Variants in SCHIP1 observed in about 807,000 individuals in gnomAD.
SCHIP1 encodes schwannomin interacting protein 1, also known as schwannomin-interacting protein 1.
SCHIP1 carries 8 observed loss-of-function variants against 29.7 expected under a neutral mutation model. The observed-to-expected ratio is 0.27, with a 90% CI of 0.16 to 0.49. SCHIP1 has a LOEUF of 0.49. Ranked by LOEUF, SCHIP1 falls within the 20% of genes least tolerant of loss-of-function variation. SCHIP1 has a pLI of 0.99. For synonymous variants in SCHIP1, 76 were observed against 94.9 expected, an observed-to-expected ratio of 0.80 and a Z score of 1.16; for missense variants, 193 against 294.6, an observed-to-expected ratio of 0.66 and a Z score of 2.52.
At chr3:159,483,706 A>T in the SCHIP1 span, among the ~76,000 whole-genome samples, 4 of 152,190 alleles carry the variant, frequency 2.6e-5, no homozygotes, top group Admixed American at 2.6e-4. Flanking sequence ...TAATCTTTAG[A>T]TATTTGTTTT....
At chr3:159,870,773 A>C (rs1196910528) in intron 2 of SCHIP1, among the ~76,000 whole-genome samples, 1 of 151,836 alleles carries the variant, frequency 6.6e-6, no homozygotes, top group Non-Finnish European at 1.5e-5. Flanking sequence ...TTCTTCTGAC[A>C]TTTTTGCTTG....
chr3:159,463,162 C>A, the SCHIP1 span, among the ~76,000 whole-genome samples: 1 of 151,468 alleles, frequency 6.6e-6, no homozygotes, highest in Non-Finnish European at 1.5e-5. Flanking sequence ...CATATATATA[C>A]ACATTGCATT....
the SCHIP1 span, among the ~76,000 whole-genome samples, chr3:159,469,358 T>C: frequency 4.6e-5 from 7 of 151,738 alleles, no homozygotes; most frequent in Admixed American, 4.6e-4. Context: ...AAGCTAAAAC[T>C]AGGGCTTCAT....
chr3:159,522,063 G>A, the SCHIP1 span, among the ~76,000 whole-genome samples: 1 of 152,210 alleles, frequency 6.6e-6, no homozygotes, highest in Non-Finnish European at 1.5e-5. Context: ...GTTCAAAAGT[G>A]TAATTAGACA....
chr3:159,544,274 A>G, the SCHIP1 span, among the ~76,000 whole-genome samples: 11 of 152,074 alleles, frequency 7.2e-5, no homozygotes, highest in Non-Finnish European at 1.5e-4. Context: ...TTTATGTTAA[A>G]TTTCATTGAA....
chr3:159,410,201 C>CA, the SCHIP1 span, among the ~76,000 whole-genome samples: 184 of 152,128 alleles, frequency 1.2e-3, 2 homozygotes, highest in South Asian at 0.03. Context: ...GGAAACTCTC[C>CA]AAGACATTAG....
the SCHIP1 span, among the ~76,000 whole-genome samples, chr3:159,496,873 A>C: frequency 1.3e-5 from 2 of 152,216 alleles, no homozygotes; most frequent in Non-Finnish European, 2.9e-5. Context: ...CAACAATGAT[A>C]GACTGGATTA....
chr3:159,454,960 C>T, the SCHIP1 span, among the ~76,000 whole-genome samples: 1 of 152,226 alleles, frequency 6.6e-6, no homozygotes, highest in Non-Finnish European at 1.5e-5. Flanking sequence ...TTGTGACTCA[C>T]AAAAATGTTT....
chr3:159,634,646 T>C, the SCHIP1 span, among the ~76,000 whole-genome samples: 1 of 152,226 alleles, frequency 6.6e-6, no homozygotes, highest in Non-Finnish European at 1.5e-5. Context: ...AAGCAGCCCC[T>C]GCACTGTGTG....
intron 1 of SCHIP1, among the ~76,000 whole-genome samples, chr3:159,852,013 G>A (rs1712712424): frequency 6.6e-6 from 1 of 152,192 alleles, no homozygotes; most frequent in Admixed American, 6.5e-5. Context: ...GGGCTACAGA[G>A]GGAAGTATTT....
chr3:159,672,861 T>C, the SCHIP1 span, among the ~76,000 whole-genome samples: 6 of 152,316 alleles, frequency 3.9e-5, no homozygotes, highest in Non-Finnish European at 8.8e-5. Flanking sequence ...AAAAGTGCAC[T>C]GTGGAGTCTC....
At chr3:159,274,555 TA>T in the SCHIP1 span, 331 of 792,698 alleles carry the variant, frequency 4.2e-4, no homozygotes, top group Middle Eastern at 1.3e-3. Flanking sequence ...AAACCAGAAA[TA>T]AAAAAAATGG....
chr3:159,643,844 A>G, the SCHIP1 span, among the ~76,000 whole-genome samples: 1 of 151,928 alleles, frequency 6.6e-6, no homozygotes, highest in Non-Finnish European at 1.5e-5. Context: ...ACATATGTTG[A>G]CTTTGATGTT....
intron 1 of SCHIP1, among the ~76,000 whole-genome samples, chr3:159,848,031 G>C (rs1036268611): frequency 5.9e-5 from 9 of 152,188 alleles, no homozygotes; most frequent in Non-Finnish European, 7.3e-5. Flanking sequence ...AAAATCTTTT[G>C]ACAGTGCATA....
the SCHIP1 span, among the ~76,000 whole-genome samples, chr3:159,794,803 C>T: frequency 3.3e-5 from 5 of 152,144 alleles, no homozygotes; most frequent in Admixed American, 3.3e-4. Flanking sequence ...TGGTAGGTCT[C>T]ACCACAAAGA....
the SCHIP1 span, among the ~76,000 whole-genome samples, chr3:159,706,624 A>G: frequency 3.3e-5 from 5 of 152,212 alleles, no homozygotes; most frequent in Non-Finnish European, 4.4e-5. Context: ...AGAGTAGTCT[A>G]AAGCAATGGG....
At chr3:159,557,139 A>G in the SCHIP1 span, among the ~76,000 whole-genome samples, 7 of 151,742 alleles carry the variant, frequency 4.6e-5, no homozygotes, top group African/African-American at 1.7e-4. Context: ...TTGTATTTTT[A>G]GTAGAGACGA....
chr3:159,833,647 A>C, the SCHIP1 span, among the ~76,000 whole-genome samples: 1 of 152,202 alleles, frequency 6.6e-6, no homozygotes, highest in East Asian at 1.9e-4. Flanking sequence ...CCCTTAATCT[A>C]ATTCATTTTT....
the SCHIP1 span, among the ~76,000 whole-genome samples, chr3:159,810,289 C>A: frequency 6.6e-6 from 1 of 152,196 alleles, no homozygotes; most frequent in South Asian, 2.1e-4. Flanking sequence ...TCGTGATCTG[C>A]CCACCTCGGC....
Sources: allele counts gnomAD v4.1 joint callset (sites outside exome capture counted in the v4.1 genomes callset), GRCh38; gene constraint gnomAD v4.1.1; transcripts MANE v1.5; gene names NCBI Gene and HGNC (gene_info 2026-07-23, HGNC 2026-07-21).